Variants in KCNIP4 observed in about 807,000 individuals in gnomAD.
KCNIP4 encodes potassium voltage-gated channel interacting protein 4.
In KCNIP4, 12 loss-of-function variants were observed where a neutral mutation model predicts 34.0. The ratio of observed to expected loss-of-function variants is 0.35; its 90% CI spans 0.23 to 0.57. KCNIP4 has a LOEUF of 0.57. Ranked by LOEUF, KCNIP4 falls within the 20% of genes least tolerant of loss-of-function variation. KCNIP4 has a pLI of 0.83. For synonymous variants in KCNIP4, 124 were observed against 102.2 expected (o/e 1.21, Z -1.29); for missense variants, 238 against 311.7 (o/e 0.76, Z 1.78).
chr4:21,774,625 T>C (rs1044667391), intron 1 of KCNIP4, among the ~76,000 whole-genome samples: 4 of 152,200 alleles, frequency 2.6e-5, no homozygotes, highest in Admixed American at 6.5e-5. Flanking sequence ...CTTGGAGGCT[T>C]TGTTCCTTCC....
chr4:21,360,356 C>G (rs1719088589), intron 1 of KCNIP4, among the ~76,000 whole-genome samples: 1 of 151,658 alleles, frequency 6.6e-6, no homozygotes, highest in Admixed American at 6.6e-5. Flanking sequence ...AATTCCAAAC[C>G]AACAGCGACA....
chr4:21,666,865 C>T (rs1749005373), intron 1 of KCNIP4, among the ~76,000 whole-genome samples: 1 of 152,216 alleles, frequency 6.6e-6, no homozygotes. Context: ...ATGGGTTCTT[C>T]TCCTGCTTAC....
At chr4:21,369,818 ATTT>A (rs5856627) in intron 1 of KCNIP4, among the ~76,000 whole-genome samples, 2 of 131,666 alleles carry the variant, frequency 1.5e-5, no homozygotes, top group Admixed American at 7.3e-5. Context: ...AACCCAAATA[ATTT>A]TTTTTTTTTT....
chr4:20,759,245 GTGAATC>G (rs74475192), intron 3 of KCNIP4, among the ~76,000 whole-genome samples: 5,889 of 152,204 alleles, frequency 0.039, 136 homozygotes, highest in East Asian at 0.092. Context: ...ATAGTCTTTG[GTGAATC>G]TTGGTTTTGT....
chr4:21,019,406 ACT>A (rs929662432), intron 1 of KCNIP4, among the ~76,000 whole-genome samples: 43 of 151,770 alleles, frequency 2.8e-4, no homozygotes, highest in African/African-American at 1.0e-3. Flanking sequence ...AATCTGCCTG[ACT>A]CTGCCTCGCA....
At chr4:21,192,667 C>T (rs1755735550) in intron 1 of KCNIP4, among the ~76,000 whole-genome samples, 1 of 152,058 alleles carries the variant, frequency 6.6e-6, no homozygotes, top group African/African-American at 2.4e-5. Context: ...TCCAGTATTA[C>T]AGCATCTAAG....
At chr4:21,851,381 G>A (rs1361854430) in intron 1 of KCNIP4, 2 of 152,180 alleles carry the variant, frequency 1.3e-5, no homozygotes, top group African/African-American at 4.8e-5. Context: ...GATGTAGAGT[G>A]TGGAACAATC....
intron 1 of KCNIP4, among the ~76,000 whole-genome samples, chr4:21,187,722 G>A (rs1162598969): frequency 6.6e-6 from 1 of 151,442 alleles, no homozygotes; most frequent in African/African-American, 2.4e-5. Context: ...TTTTTCTGCA[G>A]GTATTTTTCT....
chr4:21,399,738 C>T (rs966501545), intron 1 of KCNIP4, among the ~76,000 whole-genome samples: 2 of 151,854 alleles, frequency 1.3e-5, no homozygotes, highest in East Asian at 3.9e-4. Context: ...TTCAACCCAA[C>T]CTCCACCTCA....
intron 1 of KCNIP4, among the ~76,000 whole-genome samples, chr4:21,798,317 C>T (rs773592965): frequency 3.3e-5 from 5 of 149,664 alleles, no homozygotes; most frequent in African/African-American, 4.9e-5. Context: ...TTTAGGAGGC[C>T]GAGGTGGGAA....
chr4:21,443,622 G>A (rs547643504), intron 1 of KCNIP4, among the ~76,000 whole-genome samples: 7 of 152,140 alleles, frequency 4.6e-5, no homozygotes, highest in South Asian at 4.2e-4. Flanking sequence ...CTGAGTTTGC[G>A]GCCTGATGCT....
chr4:20,802,223 T>C (rs1560475587), intron 3 of KCNIP4, among the ~76,000 whole-genome samples: 1 of 83,086 alleles, frequency 1.2e-5, no homozygotes, highest in Non-Finnish European at 2.9e-5. Context: ...ATATATGCTA[T>C]ACATATGCTA....
chr4:21,733,148 T>G (rs1350714450), intron 1 of KCNIP4, among the ~76,000 whole-genome samples: 1 of 152,184 alleles, frequency 6.6e-6, no homozygotes, highest in Non-Finnish European at 1.5e-5. Context: ...TGTTTTATAC[T>G]TCTCTTCATT....
intron 1 of KCNIP4, among the ~76,000 whole-genome samples, chr4:21,890,407 G>A (rs558205559): frequency 6.6e-6 from 1 of 152,240 alleles, no homozygotes; most frequent in South Asian, 2.1e-4. Context: ...TAAGTGTGAT[G>A]TCATCTGGGA....
intron 1 of KCNIP4, among the ~76,000 whole-genome samples, chr4:21,541,180 CA>C (rs60459395): frequency 0.23 from 24,179 of 107,378 alleles, 2,035 homozygotes; most frequent in East Asian, 0.24. Context: ...CAAAAGAAAA[CA>C]AAAAAAAAAA....
chr4:21,339,140 A>T (rs905782486), intron 1 of KCNIP4, among the ~76,000 whole-genome samples: 9 of 152,322 alleles, frequency 5.9e-5, no homozygotes, highest in African/African-American at 2.2e-4. Context: ...ATAAAGCATG[A>T]TCGCTGTCTA....
chr4:21,515,797 C>T (rs532567625), intron 1 of KCNIP4, among the ~76,000 whole-genome samples: 3 of 152,214 alleles, frequency 2.0e-5, no homozygotes, highest in African/African-American at 7.2e-5. Context: ...TCTCTTTTGC[C>T]ATCTGCTCTT....
Position 21,741,930 on chromosome 4 carries a change from G to A in KCNIP4, c.61+206641C>T, listed in dbSNP as rs530770515. On this transcript the variant is annotated intron_variant, in intron 1 of 8. Coordinates refer to ENST00000382152, the MANE Select transcript of KCNIP4 (RefSeq NM_025221.6). ...CGCACGCCTGCAGTCCCAGCTACTC[G>A]GGAGGATAAGGCAGGAGAATTGCTT... is the stretch of plus-strand genomic sequence containing the variant. 1.8e-4 allele frequency among the ~76,000 whole-genome samples: 27 copies of A among 152,186 alleles called. No individual in the cohort carries two copies. The East Asian group carries it at 4.5e-3, about 25-fold the overall frequency.
intron 1 of KCNIP4, among the ~76,000 whole-genome samples, chr4:21,431,899 T>G (rs2109668291): frequency 6.6e-6 from 1 of 151,210 alleles, no homozygotes; most frequent in East Asian, 2.0e-4. Context: ...TTGGTACAGT[T>G]GACCCCAAAC....
Sources: allele counts gnomAD v4.1 joint callset (sites outside exome capture counted in the v4.1 genomes callset), GRCh38; gene constraint gnomAD v4.1.1; transcripts MANE v1.5; gene names NCBI Gene and HGNC (gene_info 2026-07-23, HGNC 2026-07-21).